ASTN2: variants seen among roughly 807,000 people sequenced by gnomAD.
ASTN2 encodes the protein astrotactin 2.
A neutral mutation model predicts 139.8 loss-of-function variants in ASTN2; 54 were observed. That is an observed-to-expected ratio of 0.39 (90% CI 0.31 to 0.48). The LOEUF is 0.48. Among genes scored for constraint, ASTN2 ranks in the 20% least tolerant of loss-of-function variants. The pLI is 0.95. For synonymous variants in ASTN2, 756 were observed against 719.5 expected (o/e 1.05, Z -0.81); for missense variants, 1,565 against 1,725.1 (o/e 0.91, Z 1.64).
chr9:116,496,000 C>A (rs943581026), intron 19 of ASTN2, among the ~76,000 whole-genome samples: 2 of 152,114 alleles, frequency 1.3e-5, no homozygotes, highest in Non-Finnish European at 2.9e-5. Flanking sequence ...TTCCATGGAG[C>A]CTTCTTCCCC....
intron 2 of ASTN2, among the ~76,000 whole-genome samples, chr9:117,285,952 AC>A (rs1247313498): frequency 6.6e-6 from 1 of 152,192 alleles, no homozygotes; most frequent in Non-Finnish European, 1.5e-5. Flanking sequence ...ACATTTTGTC[AC>A]CACAAAGACA....
intron 3 of ASTN2, among the ~76,000 whole-genome samples, chr9:117,196,325 C>T: frequency 6.6e-6 from 1 of 152,152 alleles, no homozygotes; most frequent in East Asian, 1.9e-4. Context: ...TCAGCAGCAG[C>T]AGCAACAGTA....
chr9:116,582,413 A>G (rs746031881), intron 19 of ASTN2: 2 of 152,238 alleles, frequency 1.3e-5, no homozygotes, highest in South Asian at 4.1e-4. Context: ...CTGAATGCCT[A>G]TTATGTGCCA....
chr9:116,806,361 G>A lies in ASTN2; in HGVS notation c.2208-541C>T, dbSNP rs192138417. Among the ~76,000 whole-genome samples the A allele has an allele frequency of 4.0e-4, 61 of 152,320 alleles. No individual in the cohort carries two copies. The East Asian group carries it at 9.8e-3, about 25-fold the overall frequency. ...AAGCCCTTGACAAGCCTTTGAGACA[G>A]GGGTGGCCTCATCTATGGACAAAAC... On this transcript the variant is annotated intron_variant, in intron 12 of 22. Transcript: ENST00000313400.
intron 16 of ASTN2, among the ~76,000 whole-genome samples, chr9:116,680,763 A>G (rs1859806170): frequency 6.6e-6 from 1 of 152,258 alleles, no homozygotes; most frequent in South Asian, 2.1e-4. Flanking sequence ...AACAGAACCA[A>G]AGACAAAAAT....
In ASTN2 at chr9:117,225,537, A is replaced by ATGTATATG. The variant is rs1460719604; in HGVS notation, c.631-10796_631-10795insCATATACA. 3.1e-3 allele frequency among the ~76,000 whole-genome samples: 75 copies of ATGTATATG among 24,428 alleles called. 7 individuals carry two copies. The highest frequency in any genetic ancestry group is 5.6e-3 in the East Asian group (3 of 540). The allele number at this position is 24,428 out of a possible 152,430, so 16.0% of individuals were successfully genotyped here. On this transcript the variant is annotated intron_variant, in intron 2 of 22. Coordinates refer to ENST00000313400, the MANE Select transcript of ASTN2 (RefSeq NM_001365068.1). ...AGACCAGCCTGGCCAAGCTGTATGT[A>ATGTATATG]TATATATATATATATATATATATAT...
intron 13 of ASTN2, among the ~76,000 whole-genome samples, chr9:116,773,237 C>T (rs143835705): frequency 9.8e-5 from 15 of 152,296 alleles, no homozygotes; most frequent in Non-Finnish European, 7.4e-5. Flanking sequence ...GCTTGATTCT[C>T]ACTGCAAAGT....
rs751026997 is a variant in ASTN2, at chr9:116,626,154, G to GTTTTTTTTTT, written c.3073-5721_3073-5712dup. On this transcript the variant is annotated intron_variant, in intron 17 of 22. Coordinates refer to ENST00000313400, the MANE Select transcript of ASTN2 (RefSeq NM_001365068.1). ...ACCACCATGCCTGGTTAGTTTTTGTGTTTTTTTTTTTTTTTTTTTTTTTTT... is the reference window on the plus strand; with the variant it reads ...ACCACCATGCCTGGTTAGTTTTTGTGTTTTTTTTTTTTTTTTTTTTTTTTTTTTTTTTTTT... 2.7e-3 allele frequency among the ~76,000 whole-genome samples: 94 copies of GTTTTTTTTTT among 34,446 alleles called. 6 individuals carry two copies. Among genetic ancestry groups the GTTTTTTTTTT allele is most frequent in the Non-Finnish European group, 4.0e-3 (72 of 17,912 alleles). 22.6% of individuals were successfully genotyped at this position (34,446 alleles called of 152,430 possible). A position where few individuals can be genotyped will look rare whatever the true frequency, so the allele number is the denominator to read the frequency against.
intron 2 of ASTN2, among the ~76,000 whole-genome samples, chr9:117,225,990 G>C (rs1224890007): frequency 1.3e-5 from 2 of 152,190 alleles, no homozygotes; most frequent in Non-Finnish European, 1.5e-5. Flanking sequence ...CAACAGGTAA[G>C]TAAGCAGGCA....
Position 116,469,249 on chromosome 9 carries a change from A to C in ASTN2, c.3497+18110T>G, listed in dbSNP as rs538318946. On this transcript the variant is annotated intron_variant, in intron 20 of 22. Transcript: ENST00000313400. ...TTAGAGAATAAATGTGTGTTGGATA[A>C]ATAAAGGCAGAAGGAAGTCATCCTG... is the stretch of plus-strand genomic sequence containing the variant. Among the ~76,000 whole-genome samples, 6 of 152,324 alleles carry C rather than the reference A, an allele frequency of 3.9e-5. 1 individual carries two copies. The South Asian group carries it at 1.0e-3, about 26-fold the overall frequency.
chr9:116,752,398 G>A (rs1026432459), intron 13 of ASTN2, among the ~76,000 whole-genome samples: 17 of 152,162 alleles, frequency 1.1e-4, no homozygotes, highest in African/African-American at 3.6e-4. Flanking sequence ...CAAAATTATT[G>A]TAAGTCTAAA....
chr9:116,605,212 G>C lies in ASTN2; in HGVS notation c.3355+13112C>G, dbSNP rs113837262. Among the ~76,000 whole-genome samples, 165 of 152,226 alleles carry C rather than the reference G, an allele frequency of 1.1e-3. 1 individual carries two copies. The highest frequency in any genetic ancestry group is 3.8e-3 in the African/African-American group (158 of 41,536). ...AGGAAGCAAGAGTGATACTGATCGGGGGGGAGAGGCCCAGTAGGCTCCCAG... is the reference window on the plus strand; with the variant it reads ...AGGAAGCAAGAGTGATACTGATCGGCGGGGAGAGGCCCAGTAGGCTCCCAG... On this transcript the variant is annotated intron_variant, in intron 19 of 22. Coordinates refer to ENST00000313400, the MANE Select transcript of ASTN2 (RefSeq NM_001365068.1).
intron 1 of ASTN2, among the ~76,000 whole-genome samples, chr9:117,321,107 C>T (rs536466366): frequency 1.1e-4 from 16 of 152,146 alleles, no homozygotes; most frequent in Admixed American, 1.0e-3. Context: ...AACTTCTAGC[C>T]CAGGTGGTGA....
At chr9:116,552,110 T>C (rs756812414) in intron 19 of ASTN2, 3 of 152,222 alleles carry the variant, frequency 2.0e-5, no homozygotes, top group African/African-American at 7.2e-5. Context: ...CTTCTTCTAG[T>C]AGCTCACAGA....
intron 4 of ASTN2, among the ~76,000 whole-genome samples, chr9:117,116,250 G>A (rs186050623): frequency 1.3e-5 from 2 of 152,268 alleles, no homozygotes; most frequent in Non-Finnish European, 2.9e-5. Flanking sequence ...AGTGAGGCAT[G>A]AGAATGGAGG....
chr9:117,351,292 C>T (rs1276555140), intron 1 of ASTN2, among the ~76,000 whole-genome samples: 2 of 152,184 alleles, frequency 1.3e-5, no homozygotes, highest in Admixed American at 6.5e-5. Flanking sequence ...CTAAGCATGG[C>T]GCTCAAGGTC....
chr9:117,269,635 G>A (rs10983595), intron 2 of ASTN2, among the ~76,000 whole-genome samples: 22 of 152,330 alleles, frequency 1.4e-4, no homozygotes, highest in African/African-American at 4.8e-4. Context: ...TGGGACCTAC[G>A]AGAGCTGAGG....
Position 116,699,430 on chromosome 9 carries a change from G to C in ASTN2, c.2806+26341C>G. 1 of 1,614,146 alleles carries C rather than the reference G, an allele frequency of 6.2e-7. No individual in the cohort carries two copies. The highest frequency in any genetic ancestry group is 8.5e-7 in the Non-Finnish European group (1 of 1,180,016). ...GTAGGCCCTGATGGGCAGCTGGGTC[G>C]CCAGATTAGCCACTTCTTCTCGGAG... On this transcript the variant is annotated intron_variant, in intron 16 of 22. Transcript: ENST00000313400. This position sits in a 1 kb window ranked among gnomAD's most constrained non-coding sequence, Gnocchi z 4.2.
chr9:116,933,723 A>G (rs1230444217), intron 10 of ASTN2, among the ~76,000 whole-genome samples: 4 of 152,122 alleles, frequency 2.6e-5, no homozygotes, highest in African/African-American at 4.8e-5. Context: ...GGAAGAACAT[A>G]CCAATTATGC....
Sources: allele counts gnomAD v4.1 joint callset (sites outside exome capture counted in the v4.1 genomes callset), GRCh38; gene constraint gnomAD v4.1.1; non-coding constraint Gnocchi (gnomAD v3.1); transcripts MANE v1.5; gene names NCBI Gene and HGNC (gene_info 2026-07-23, HGNC 2026-07-21).